MGAT5: variants seen among roughly 807,000 people sequenced by gnomAD.
MGAT5 encodes the protein alpha-1,6-mannosylglycoprotein 6-beta-N-acetylglucosaminyltransferase.
MGAT5 carries 30 observed loss-of-function variants against 94.3 expected under a neutral mutation model. That is an observed-to-expected ratio of 0.32 (90% CI 0.24 to 0.43). The LOEUF is 0.43. Among genes scored for constraint, MGAT5 ranks in the 20% least tolerant of loss-of-function variants. MGAT5 has a pLI of 1.00. For missense variants in MGAT5, 691 were observed against 905.5 expected (o/e 0.76, Z 3.04); for synonymous variants, 310 against 322.9 (o/e 0.96, Z 0.43).
intron 1 of MGAT5, among the ~76,000 whole-genome samples, chr2:134,189,597 T>TGTTTTGTTTTG (rs1553490340): frequency 1.1e-5 from 1 of 87,140 alleles, no homozygotes; most frequent in Admixed American, 1.2e-4. Context: ...CTCTAGTTTT[T>TGTTTTGTTTTG]TTTTGTTTTT....
rs1689232395 is a variant in MGAT5, at chr2:134,189,602, G to GTTGTTTTTTTTTTT, written c.-142-64658_-142-64657insGTTTTTTTTTTTTT. 1.4e-3 allele frequency among the ~76,000 whole-genome samples: 122 copies of GTTGTTTTTTTTTTT among 84,638 alleles called. 4 individuals carry two copies. The highest frequency in any genetic ancestry group is 5.6e-3 in the African/African-American group (117 of 20,980). 55.5% of individuals were successfully genotyped at this position (84,638 alleles called of 152,430 possible). ...AACCTCATGGCTCTAGTTTTTTTTT[G>GTTGTTTTTTTTTTT]TTTTTTTTTTTTTTTTTTAAGACAG... On this transcript the variant is annotated intron_variant, in intron 1 of 16. Transcript: ENST00000409645.
In MGAT5 at chr2:134,452,540, GTGT is replaced by G. The variant is rs1686159625; in HGVS notation, c.*3696_*3698del. 6.6e-6 allele frequency: 1 copy of G among 152,214 alleles called. No homozygotes were observed. Among genetic ancestry groups the G allele is most frequent in the Non-Finnish European group, 1.5e-5 (1 of 68,032 alleles). 9.4% of individuals were successfully genotyped at this position (152,214 alleles called of 1,614,324 possible). ...CTGACAGGGTTGACATCAGTATGAT[GTGT>G]TGGACTGAAACTGTATGTCTGTAGG... On this transcript the variant is annotated 3_prime_UTR_variant, in exon 16 of 16. Coordinates refer to ENST00000281923, the MANE Select transcript of MGAT5 (RefSeq NM_002410.5).
intron 10 of MGAT5, among the ~76,000 whole-genome samples, chr2:134,376,876 C>T (rs1168489664): frequency 1.3e-5 from 2 of 152,200 alleles, no homozygotes; most frequent in East Asian, 3.8e-4. Context: ...CCTACCAGCA[C>T]CATCCAAGAT....
intron 1 of MGAT5, among the ~76,000 whole-genome samples, chr2:134,151,588 C>A (rs1687180787): frequency 8.2e-6 from 1 of 121,384 alleles, no homozygotes; most frequent in African/African-American, 3.3e-5. Flanking sequence ...TCACTCACGC[C>A]CTATGGGACC....
intron 1 of MGAT5, among the ~76,000 whole-genome samples, chr2:134,174,157 C>T (rs535726389): frequency 2.0e-5 from 3 of 152,366 alleles, no homozygotes; most frequent in East Asian, 1.9e-4. Context: ...TGTCAGGAAA[C>T]GTTTCTCACA....
intron 1 of MGAT5, among the ~76,000 whole-genome samples, chr2:134,259,891 G>C (rs569931353): frequency 5.9e-5 from 9 of 152,290 alleles, no homozygotes; most frequent in Non-Finnish European, 1.3e-4. Flanking sequence ...TCAGATAGCA[G>C]TACATTCCAG....
intron 2 of MGAT5, among the ~76,000 whole-genome samples, chr2:134,283,561 G>A (rs1475925498): frequency 2.0e-5 from 3 of 151,066 alleles, no homozygotes; most frequent in Non-Finnish European, 4.4e-5. Context: ...TGAAGTCGGT[G>A]CACAGTTTAT....
In MGAT5 at chr2:134,412,935, G is replaced by A; in HGVS notation, c.1597G>A (p.Ala533Thr). Residue 533 changes from alanine (A) to threonine (T), a missense_variant, in exon 12 of 16, where the codon GCT becomes ACT. By Grantham distance (58) the Ala-to-Thr change is moderately conservative. Coordinates refer to ENST00000281923, the MANE Select transcript of MGAT5 (RefSeq NM_002410.5). ...CCTGGAAGCTATCGCAAATGGATGT[G>A]CTTTTCTGAATCCCAAGTTCAACCC... Reference protein sequence around the residue: ...APLEAIANGCAFLNPKFNPPK... With the variant: ...APLEAIANGCTFLNPKFNPPK... 1 of 1,614,132 alleles carries A rather than the reference G, an allele frequency of 6.2e-7. No homozygotes were observed. The highest frequency in any genetic ancestry group is 8.5e-7 in the Non-Finnish European group (1 of 1,180,016).
At chr2:134,134,462 TCTC>T (rs1376348070) in intron 1 of MGAT5, among the ~76,000 whole-genome samples, 2 of 152,070 alleles carry the variant, frequency 1.3e-5, no homozygotes, top group Non-Finnish European at 2.9e-5. Context: ...GCTGCTTAAT[TCTC>T]CTCCCTGCCT....
intron 10 of MGAT5, among the ~76,000 whole-genome samples, chr2:134,364,838 T>G (rs1680324567): frequency 6.6e-6 from 1 of 152,242 alleles, no homozygotes; most frequent in African/African-American, 2.4e-5. Context: ...GCACAGTATG[T>G]GAGAATTTAG....
intron 1 of MGAT5, among the ~76,000 whole-genome samples, chr2:134,172,587 C>T (rs112431166): frequency 0.052 from 7,902 of 152,112 alleles, 713 homozygotes; most frequent in African/African-American, 0.18. Context: ...GGGTTTTCAC[C>T]GTGTTAGCCA....
chr2:134,321,215 GA>G (rs1376250207), intron 4 of MGAT5, among the ~76,000 whole-genome samples: 1 of 152,140 alleles, frequency 6.6e-6, no homozygotes, highest in Admixed American at 6.6e-5. Flanking sequence ...CTGCCCTGAG[GA>G]AAAGGTTCCT....
chr2:134,316,297 G>T (rs752384738), intron 2 of MGAT5, among the ~76,000 whole-genome samples: 1 of 152,106 alleles, frequency 6.6e-6, no homozygotes, highest in Non-Finnish European at 1.5e-5. Context: ...TCTCCTGTCT[G>T]TCCTGAGTAC....
chr2:134,383,708 ATTT>A (rs531981933), intron 10 of MGAT5, among the ~76,000 whole-genome samples: 1 of 143,312 alleles, frequency 7.0e-6, no homozygotes. Context: ...TGAGCTAAGC[ATTT>A]TTTTTTTTTT....
At chr2:134,230,483 A>G (rs186904659) in intron 1 of MGAT5, among the ~76,000 whole-genome samples, 4 of 152,354 alleles carry the variant, frequency 2.6e-5, no homozygotes, top group Non-Finnish European at 5.9e-5. Context: ...CATGATATAT[A>G]GTTTCAAATA....
At chr2:134,303,848 C>G (rs1316994767) in intron 2 of MGAT5, among the ~76,000 whole-genome samples, 1 of 152,202 alleles carries the variant, frequency 6.6e-6, no homozygotes, top group African/African-American at 2.4e-5. Flanking sequence ...GCCAGTGAGA[C>G]TGTAGCCTTT....
intron 14 of MGAT5, among the ~76,000 whole-genome samples, chr2:134,438,672 G>A (rs529616255): frequency 6.6e-6 from 1 of 152,140 alleles, no homozygotes; most frequent in Non-Finnish European, 1.5e-5. Context: ...TGCGACCCAT[G>A]GCTTAACAGG....
In MGAT5 at chr2:134,450,393, C is replaced by T. The variant is rs34944508; in HGVS notation, c.*1546C>T. ...CGCTGGGCAGAACTGATGGGCAAGG[C>T]GTAATGGCTGGTAGCTTTCAGAATG... On this transcript the variant is annotated 3_prime_UTR_variant, in exon 16 of 16. Coordinates refer to ENST00000281923, the MANE Select transcript of MGAT5 (RefSeq NM_002410.5). The T allele has an allele frequency of 0.045, 6,852 of 152,286 alleles. 229 individuals are homozygous for T. The highest frequency in any genetic ancestry group is 0.13 in the South Asian group (611 of 4,814). 9.4% of individuals were successfully genotyped at this position (152,286 alleles called of 1,614,324 possible).
intron 2 of MGAT5, among the ~76,000 whole-genome samples, chr2:134,316,874 C>T (rs1430462529): frequency 1.3e-5 from 2 of 152,074 alleles, no homozygotes; most frequent in Admixed American, 1.3e-4. Context: ...CCTACAGTTA[C>T]AAGGAATAGG....
Sources: gnomAD v4.1 joint callset for allele counts (sites outside exome capture counted in the v4.1 genomes callset) on GRCh38, gnomAD v4.1.1 for gene constraint, MANE v1.5 for transcripts, NCBI Gene and HGNC (gene_info 2026-07-23, HGNC 2026-07-21) for gene names.